Variants in KIAA0513 observed in about 807,000 individuals in gnomAD.
KIAA0513 encodes KIAA0513.
Under a neutral mutation model 56.5 loss-of-function variants are expected in KIAA0513, and 39 were observed. The observed-to-expected ratio is 0.69, with a 90% CI of 0.53 to 0.90. The LOEUF is 0.90. Among genes scored for constraint, KIAA0513 ranks in the 40% least tolerant of loss-of-function variants. KIAA0513 has a pLI of 0.00. For synonymous variants in KIAA0513, 268 were observed against 215.6 expected, an observed-to-expected ratio of 1.24 and a Z score of -2.13; for missense variants, 591 against 535.2, an observed-to-expected ratio of 1.10 and a Z score of -1.03.
chr16:85,071,755 TTC>T, intron 2 of KIAA0513, 26 bp from the exon 3 acceptor site: 1 of 1,514,020 alleles, frequency 6.6e-7, no homozygotes, highest in Non-Finnish European at 9.0e-7. Context: ...TTTTTTTTTT[TTC>T]CTCTGCTCTT....
intron 1 of KIAA0513, among the ~76,000 whole-genome samples, chr16:85,053,808 A>G (rs1484071540): frequency 6.6e-6 from 1 of 152,124 alleles, no homozygotes; most frequent in African/African-American, 2.4e-5. Context: ...TCTGGCCAAC[A>G]TGGTGAAACC....
At chr16:85,030,310 C>T (rs769532572) in intron 1 of KIAA0513, among the ~76,000 whole-genome samples, 5 of 152,152 alleles carry the variant, frequency 3.3e-5, no homozygotes, top group African/African-American at 4.8e-5. Context: ...CGGCAGCCTG[C>T]TAGAATCGTT....
chr16:85,089,940 G>C lies in KIAA0513; in HGVS notation c.*1615G>C, dbSNP rs1282398223. On this transcript the variant is annotated 3_prime_UTR_variant, in exon 13 of 13. Transcript: ENST00000683363. The surrounding 1 kb of genome is among the most constrained non-coding windows in gnomAD (Gnocchi z 4.2). The stretch of plus-strand genomic sequence containing the variant: ...ACCATATGCTGCCAGACTGCAGAAC[G>C]GGGGAGCCGGGGCTCAGGGCCCCTG... The C allele has an allele frequency of 6.6e-6, 1 of 152,104 alleles. No individual in the cohort carries two copies. The highest frequency in any genetic ancestry group is 1.5e-5 in the Non-Finnish European group (1 of 68,048). 9.4% of individuals were successfully genotyped at this position (152,104 alleles called of 1,614,324 possible). A position where few individuals can be genotyped will look rare whatever the true frequency, so the allele number is the denominator to read the frequency against.
At chr16:85,064,296 G>A (rs1273621267) in intron 1 of KIAA0513, among the ~76,000 whole-genome samples, 5 of 152,080 alleles carry the variant, frequency 3.3e-5, no homozygotes, top group Admixed American at 6.5e-5. Context: ...GTGAGCCACC[G>A]TGCCTGGCCC....
At position 85,089,130 on chromosome 16, in the gene KIAA0513, T is replaced by C. The variant is rs749360045; in HGVS notation, c.*805T>C. On this transcript the variant is annotated 3_prime_UTR_variant, in exon 13 of 13. Transcript: ENST00000683363. This position sits in a 1 kb window ranked among gnomAD's most constrained non-coding sequence, Gnocchi z 4.2. ...CCCTTCTGAAGCAGAGAAGCCTCCA[T>C]GGTCACGAAGCAGCGTTGTGCTGTG... The C allele has an allele frequency of 2.6e-5, 4 of 152,258 alleles. No homozygotes were observed. Among genetic ancestry groups the C allele is most frequent in the Non-Finnish European group, 4.4e-5 (3 of 68,062 alleles). 9.4% of individuals were successfully genotyped at this position (152,258 alleles called of 1,614,324 possible). A position where few individuals can be genotyped will look rare whatever the true frequency, so the allele number is the denominator to read the frequency against.
At chr16:85,036,747 C>G (rs2073041648) in intron 1 of KIAA0513, among the ~76,000 whole-genome samples, 1 of 152,160 alleles carries the variant, frequency 6.6e-6, no homozygotes, top group Non-Finnish European at 1.5e-5. Context: ...TGCATGTGGT[C>G]ACACCAGCCC....
chr16:85,059,610 G>A (rs1394723851), intron 1 of KIAA0513, among the ~76,000 whole-genome samples: 1 of 152,208 alleles, frequency 6.6e-6, no homozygotes, highest in Non-Finnish European at 1.5e-5. Flanking sequence ...CTCTCAACTG[G>A]GAGTGAAAGC....
chr16:85,039,714 C>T (rs1456018622), intron 1 of KIAA0513, among the ~76,000 whole-genome samples: 1 of 152,092 alleles, frequency 6.6e-6, no homozygotes, highest in African/African-American at 2.4e-5. Flanking sequence ...CTCAAGTGAT[C>T]CCCCTGCCTC....
At chr16:85,045,803 C>T (rs1456968532) in intron 1 of KIAA0513, among the ~76,000 whole-genome samples, 3 of 152,282 alleles carry the variant, frequency 2.0e-5, no homozygotes, top group Middle Eastern at 3.4e-3. Context: ...GCTGTGTGGA[C>T]GAGTGCCACC....
At position 85,092,690 on chromosome 16, in the gene KIAA0513, GT is replaced by G. The variant is rs1206952515; in HGVS notation, c.*4367del. On this transcript the variant is annotated 3_prime_UTR_variant, in exon 13 of 13. Transcript: ENST00000683363. ...CTTGTCCTGTAAATCGTGTATTCAT[GT>G]TGATGATTCTTGGAGATAGGTTTCA... is the stretch of plus-strand genomic sequence containing the variant. 6.6e-6 allele frequency: 1 copy of G among 152,232 alleles called. No homozygotes were observed. The highest frequency in any genetic ancestry group is 1.9e-4 in the East Asian group (1 of 5,196). The allele number at this position is 152,232 out of a possible 1,614,324, so 9.4% of individuals were successfully genotyped here.
At chr16:85,052,006 T>C (rs1360460730) in intron 1 of KIAA0513, among the ~76,000 whole-genome samples, 1 of 151,948 alleles carries the variant, frequency 6.6e-6, no homozygotes, top group Non-Finnish European at 1.5e-5. Context: ...AAAATGCCTT[T>C]GCAAGGTTGT....
intron 1 of KIAA0513, among the ~76,000 whole-genome samples, chr16:85,052,331 A>G (rs71386888): frequency 0.14 from 10,950 of 77,874 alleles, 448 homozygotes; most frequent in African/African-American, 0.29. Flanking sequence ...TCAAAAAGCA[A>G]CAACAACAAC....
At chr16:85,072,540 A>T (rs2144041438) in intron 3 of KIAA0513, among the ~76,000 whole-genome samples, 1 of 150,842 alleles carries the variant, frequency 6.6e-6, no homozygotes. Flanking sequence ...CAAATAATTT[A>T]TTTTTCATGG....
chr16:85,083,247 C>T (rs562650249), intron 10 of KIAA0513, among the ~76,000 whole-genome samples: 2 of 152,310 alleles, frequency 1.3e-5, no homozygotes, highest in African/African-American at 4.8e-5. Flanking sequence ...CTCTCTGTTC[C>T]CCTTTCTGTG....
intron 7 of KIAA0513, 59 bp downstream of exon 7, chr16:85,078,514 C>G (rs1355019188): frequency 6.5e-7 from 1 of 1,534,750 alleles, no homozygotes; most frequent in Non-Finnish European, 9.0e-7. Flanking sequence ...AGCCAGCACA[C>G]AAGCAGGTGC....
chr16:85,078,340 T>A (rs1345629186), intron 6 of KIAA0513, 75 bp from the exon 7 acceptor site: 30 of 1,531,438 alleles, frequency 2.0e-5, no homozygotes, highest in Non-Finnish European at 2.3e-5. Context: ...ACCTTAGAAG[T>A]GTAGAACAGC....
chr16:85,080,891 G>A (rs2073733630), intron 8 of KIAA0513, among the ~76,000 whole-genome samples: 2 of 152,228 alleles, frequency 1.3e-5, no homozygotes, highest in South Asian at 2.1e-4. Context: ...CTGCCTGGTT[G>A]CCATTGATGT....
chr16:85,031,612 C>T (rs1002080466), intron 1 of KIAA0513, among the ~76,000 whole-genome samples: 6 of 152,208 alleles, frequency 3.9e-5, no homozygotes, highest in African/African-American at 9.6e-5. Context: ...TCATTGACTG[C>T]TGCTGTCATT....
chr16:85,084,048 C>T (rs912184331), intron 10 of KIAA0513, among the ~76,000 whole-genome samples: 12 of 144,772 alleles, frequency 8.3e-5, no homozygotes, highest in Non-Finnish European at 1.6e-4. Context: ...GGAAATTGAA[C>T]TCTTCTAATT....
Sources: allele counts gnomAD v4.1 joint callset (sites outside exome capture counted in the v4.1 genomes callset), GRCh38; gene constraint gnomAD v4.1.1; non-coding constraint Gnocchi (gnomAD v3.1); transcripts MANE v1.5; gene names NCBI Gene and HGNC (gene_info 2026-07-23, HGNC 2026-07-21).